Variants in NTSR1 observed in about 807,000 individuals in gnomAD.
NTSR1 encodes the protein neurotensin receptor type 1.
NTSR1 carries 29 observed loss-of-function variants against 31.2 expected under a neutral mutation model. That is an observed-to-expected ratio of 0.93 (90% CI 0.69 to 1.27). The LOEUF (loss-of-function observed/expected upper bound fraction) is 1.27, where lower values mean the gene tolerates loss of function less well. NTSR1 is among the 50% of genes most tolerant of loss of function. The probability of loss-of-function intolerance (pLI) is 0.00; values close to 1 mark genes in which losing one functional copy is unlikely to be tolerated. For missense variants in NTSR1, 697 were observed against 595.4 expected (o/e 1.17, Z -1.78); for synonymous variants, 282 against 269.9 (o/e 1.04, Z -0.44).
chr20:62,748,539 G>C (rs1292534113), intron 1 of NTSR1, among the ~76,000 whole-genome samples: 1 of 152,110 alleles, frequency 6.6e-6, no homozygotes, highest in Non-Finnish European at 1.5e-5. Context: ...ATATTACAAA[G>C]CTATAGTAAT....
rs1239602723 is a variant in NTSR1 at position 62,741,756 on chromosome 20, G to A, written c.715-12929G>A. ...AAGGAGCCACAGCCTTGGACTAGAT[G>A]CTCTCAAAACCTGGCAATGGCCCAC... On this transcript the variant is annotated intron_variant, in intron 1 of 3. Coordinates refer to ENST00000370501, the MANE Select transcript of NTSR1 (RefSeq NM_002531.3). The surrounding 1 kb of genome is among the most constrained non-coding windows in gnomAD (Gnocchi z 4.3). Among the ~76,000 whole-genome samples the A allele has an allele frequency of 6.7e-6, 1 of 149,732 alleles. No homozygotes were observed. Among genetic ancestry groups the A allele is most frequent in the African/African-American group, 2.5e-5 (1 of 40,168 alleles).
intron 1 of NTSR1, among the ~76,000 whole-genome samples, chr20:62,746,431 C>T (rs999572144): frequency 6.6e-6 from 1 of 152,182 alleles, no homozygotes; most frequent in African/African-American, 2.4e-5. Context: ...AGTGGTCTCT[C>T]CTCCCCAGGA....
chr20:62,738,287 A>G (rs1477990856), intron 1 of NTSR1, among the ~76,000 whole-genome samples: 2 of 152,222 alleles, frequency 1.3e-5, no homozygotes, highest in African/African-American at 4.8e-5. Flanking sequence ...CAGACAAGGC[A>G]GGTGCAGCCA....
chr20:62,750,461 C>T (rs1485395193), intron 1 of NTSR1, among the ~76,000 whole-genome samples: 6 of 151,978 alleles, frequency 3.9e-5, no homozygotes, highest in Non-Finnish European at 8.8e-5. Context: ...GAGGCCGAGG[C>T]GGGTGGATCA....
chr20:62,724,528 G>T (rs2147135575), intron 1 of NTSR1, among the ~76,000 whole-genome samples: 1 of 152,358 alleles, frequency 6.6e-6, no homozygotes, highest in Non-Finnish European at 1.5e-5. Context: ...AACTGCATTT[G>T]TGTCCGATCA....
chr20:62,755,022 C>A, intron 2 of NTSR1, 136 bp downstream of exon 2: 1 of 809,086 alleles, frequency 1.2e-6, no homozygotes, highest in South Asian at 1.8e-5. Context: ...CCAAGGGTGC[C>A]AGCTCCCCCG....
rs368122780 is a variant in NTSR1 at position 62,738,058 on chromosome 20, A to G, written c.715-16627A>G. 3.8e-3 allele frequency among the ~76,000 whole-genome samples: 569 copies of G among 151,456 alleles called. 2 individuals carry two copies. Among genetic ancestry groups the G allele is most frequent in the African/African-American group, 0.013 (528 of 40,884 alleles). ...CTTTCCCTGCAGTGCCCATCTGCCC[A>G]CGTCTGCCCCCCTCCCCCTCCTCTG... is the stretch of plus-strand genomic sequence containing the variant. On this transcript the variant is annotated intron_variant, in intron 1 of 3. Coordinates refer to ENST00000370501, the MANE Select transcript of NTSR1 (RefSeq NM_002531.3).
intron 2 of NTSR1, among the ~76,000 whole-genome samples, chr20:62,757,053 T>G (rs1989525200): frequency 6.6e-6 from 1 of 152,242 alleles, no homozygotes; most frequent in Admixed American, 6.5e-5. Flanking sequence ...CCTGATGGCA[T>G]CCTTTGATAC....
At position 62,739,884 on chromosome 20, in the gene NTSR1, G is replaced by A. The variant is rs527457095; in HGVS notation, c.715-14801G>A. Among the ~76,000 whole-genome samples, 8 of 152,354 alleles carry A rather than the reference G, an allele frequency of 5.3e-5. No homozygotes were observed. In the East Asian group the frequency reaches 9.7e-4, roughly 18 times the overall value. ...GGGTGCGGGACGCATATGCTGTCCC[G>A]CAGGCAACTGGGAACACTTGCTCTT... On this transcript the variant is annotated intron_variant, in intron 1 of 3. Coordinates refer to ENST00000370501, the MANE Select transcript of NTSR1 (RefSeq NM_002531.3).
chr20:62,730,300 G>A (rs1462422629), intron 1 of NTSR1, among the ~76,000 whole-genome samples: 1 of 152,080 alleles, frequency 6.6e-6, no homozygotes. Flanking sequence ...TCCTCTTACT[G>A]TCTTTCCAGT....
At chr20:62,723,082 A>C (rs965916729) in intron 1 of NTSR1, among the ~76,000 whole-genome samples, 26 of 152,358 alleles carry the variant, frequency 1.7e-4, no homozygotes, top group Admixed American at 1.7e-3. Flanking sequence ...GTCTGTGAAA[A>C]GGTGAACTTA....
rs192709613 is a variant in NTSR1 at position 62,757,410 on chromosome 20, T to A, written c.917-856T>A. ...TTCTGAGATTTCTAGTCTATTCCCTTGGTCTACGTGTCTATCTTTATGCCA... is the reference window on the plus strand; with the variant it reads ...TTCTGAGATTTCTAGTCTATTCCCTAGGTCTACGTGTCTATCTTTATGCCA... On this transcript the variant is annotated intron_variant, in intron 2 of 3. Transcript: ENST00000370501. 1.2e-3 allele frequency among the ~76,000 whole-genome samples: 189 copies of A among 152,370 alleles called. 2 individuals carry two copies. Among genetic ancestry groups the A allele is most frequent in the African/African-American group, 4.0e-3 (167 of 41,582 alleles).
chr20:62,721,109 C>T (rs188427727), intron 1 of NTSR1, among the ~76,000 whole-genome samples: 1 of 152,276 alleles, frequency 6.6e-6, no homozygotes. Flanking sequence ...GCTATCATTG[C>T]TGGGTATATT....
rs1173366942 is a variant in NTSR1 at position 62,758,476 on chromosome 20, G to C, written c.1007+120G>C. ...AGGGCAGGGGTGTGGTGAGTCCCCC[G>C]GCGACCCCCTGGGCAGGGTTGTGCT... On this transcript the variant is annotated intron_variant, in intron 3 of 3. Coordinates refer to ENST00000370501, the MANE Select transcript of NTSR1 (RefSeq NM_002531.3). This position sits in a 1 kb window ranked among gnomAD's most constrained non-coding sequence, Gnocchi z 4.5. The C allele has an allele frequency of 1.1e-6, 1 of 873,800 alleles. No individual in the cohort carries two copies. Among genetic ancestry groups the C allele is most frequent in the African/African-American group, 1.6e-5 (1 of 60,822 alleles). 54.1% of individuals were successfully genotyped at this position (873,800 alleles called of 1,614,324 possible).
At chr20:62,720,611 T>C (rs1988813988) in intron 1 of NTSR1, among the ~76,000 whole-genome samples, 2 of 152,208 alleles carry the variant, frequency 1.3e-5, no homozygotes, top group Admixed American at 1.3e-4. Flanking sequence ...CATTGATTTT[T>C]TTTCTATTGT....
rs1989275865 is a variant in NTSR1 at position 62,745,096 on chromosome 20, A to G, written c.715-9589A>G. ...ACCTCAGACCCAGCCACTGAGGCCCATGGCCCAGAGCCCAGCTACCCAGCC... is the reference window on the plus strand; with the variant it reads ...ACCTCAGACCCAGCCACTGAGGCCCGTGGCCCAGAGCCCAGCTACCCAGCC... On this transcript the variant is annotated intron_variant, in intron 1 of 3. Coordinates refer to ENST00000370501, the MANE Select transcript of NTSR1 (RefSeq NM_002531.3). This position sits in a 1 kb window ranked among gnomAD's most constrained non-coding sequence, Gnocchi z 4.1. Among the ~76,000 whole-genome samples, 1 of 152,170 alleles carries G rather than the reference A, an allele frequency of 6.6e-6. No individual in the cohort carries two copies. Among genetic ancestry groups the G allele is most frequent in the Non-Finnish European group, 1.5e-5 (1 of 68,022 alleles).
rs546517470 is a variant in NTSR1 at position 62,738,586 on chromosome 20, A to G, written c.715-16099A>G. 6.6e-5 allele frequency among the ~76,000 whole-genome samples: 10 copies of G among 152,386 alleles called. No homozygotes were observed. The East Asian group carries it at 1.9e-3, about 29-fold the overall frequency. On this transcript the variant is annotated intron_variant, in intron 1 of 3. Transcript: ENST00000370501. ...TAGAGACAGGCTTCTCCTGGAGCCA[A>G]TCAGCCCTCTGGCTTTCATGGGCTC...
intron 1 of NTSR1, among the ~76,000 whole-genome samples, chr20:62,750,147 G>A (rs1989368326): frequency 6.6e-6 from 1 of 152,158 alleles, no homozygotes; most frequent in African/African-American, 2.4e-5. Flanking sequence ...GGTCATTTGC[G>A]GTAGCCGCAA....
At chr20:62,713,960 C>T (rs1988665651) in intron 1 of NTSR1, among the ~76,000 whole-genome samples, 2 of 152,164 alleles carry the variant, frequency 1.3e-5, no homozygotes, top group Non-Finnish European at 1.5e-5. Flanking sequence ...ATTAGCTGGG[C>T]GTCGTGAAGG....
Sources: gnomAD v4.1 joint callset for allele counts (sites outside exome capture counted in the v4.1 genomes callset) on GRCh38, gnomAD v4.1.1 for gene constraint, Gnocchi (gnomAD v3.1) non-coding constraint, MANE v1.5 for transcripts, NCBI Gene and HGNC (gene_info 2026-07-23, HGNC 2026-07-21) for gene names.